Variants in PIKFYVE observed in about 807,000 individuals in gnomAD.
PIKFYVE encodes phosphoinositide kinase, FYVE-type zinc finger containing, also known as 1-phosphatidylinositol 3-phosphate 5-kinase.
A neutral mutation model predicts 257.9 loss-of-function variants in PIKFYVE; 122 were observed. The observed-to-expected ratio is 0.47, with a 90% CI of 0.41 to 0.55. The LOEUF (loss-of-function observed/expected upper bound fraction) is 0.55, where lower values mean the gene tolerates loss of function less well. Ranked by LOEUF, PIKFYVE falls within the 20% of genes least tolerant of loss-of-function variation. The probability of loss-of-function intolerance (pLI) is 0.00; values close to 1 mark genes in which losing one functional copy is unlikely to be tolerated. For missense variants in PIKFYVE, 2,160 were observed against 2,536.6 expected (o/e 0.85, Z 3.19); for synonymous variants, 892 against 868.9 (o/e 1.03, Z -0.47).
chr2:208,315,309 T>C lies in PIKFYVE; in HGVS notation c.1943T>C (p.Val648Ala), dbSNP rs752966773. 5.6e-6 allele frequency: 9 copies of C among 1,614,182 alleles called. No homozygotes were observed. The highest frequency in any genetic ancestry group is 6.8e-6 in the Non-Finnish European group (8 of 1,180,012). The change falls in exon 15 of 42, where the codon GTC becomes GCC. Residue 648 changes from valine to alanine, a missense_variant. Coordinates refer to ENST00000264380, the MANE Select transcript of PIKFYVE (RefSeq NM_015040.4). Reference sequence around the variant, plus strand: ...TTGGTCTGCCAGGTTGTTCAGACAGTCCGACCTGATGTCAAGAACCAGGAT... The same window carrying C: ...TTGGTCTGCCAGGTTGTTCAGACAGCCCGACCTGATGTCAAGAACCAGGAT... ...VSLVCQVVQT[V>A]RPDVKNQDDD... is the part of the protein sequence containing the mutation.
In PIKFYVE at chr2:208,330,650, C is replaced by G; in HGVS notation, c.3919C>G (p.Gln1307Glu). The change falls in exon 23 of 42, where the codon CAG (glutamine) becomes GAG (glutamate). Residue 1307 changes from glutamine (Q) to glutamate (E), a missense_variant. Around this residue, in one of 12 missense-constraint regions of PIKFYVE, gnomAD observed 55 missense variants for 103.0 expected, o/e 0.53. Transcript: ENST00000264380. Reference protein sequence around the residue: ...KELDSPVPGYQHTILTYSWCR... With the variant: ...KELDSPVPGYEHTILTYSWCR... ...GTTGGATTCTCCAGTACCTGGATATCAGCATACAATTCTTACATATTCCTG... is the reference window on the plus strand; with the variant it reads ...GTTGGATTCTCCAGTACCTGGATATGAGCATACAATTCTTACATATTCCTG... The G allele has an allele frequency of 1.2e-6, 2 of 1,614,034 alleles. No homozygotes were observed. The highest frequency in any genetic ancestry group is 1.7e-6 in the Non-Finnish European group (2 of 1,179,940).
At chr2:208,293,628 G>A (rs144162810) in intron 7 of PIKFYVE, among the ~76,000 whole-genome samples, 2 of 150,922 alleles carry the variant, frequency 1.3e-5, no homozygotes, top group Non-Finnish European at 2.9e-5. Flanking sequence ...CGTGGCTTCT[G>A]AGGAGAAGTC....
intron 40 of PIKFYVE, 99 bp downstream of exon 40, chr2:208,354,258 T>A: frequency 7.2e-7 from 1 of 1,384,172 alleles, no homozygotes; most frequent in South Asian, 1.3e-5. Flanking sequence ...TATTGAATAT[T>A]TTCACAAACT....
At chr2:208,270,788 C>A (rs1195482087) in intron 1 of PIKFYVE, among the ~76,000 whole-genome samples, 1 of 152,120 alleles carries the variant, frequency 6.6e-6, no homozygotes, top group Non-Finnish European at 1.5e-5. Flanking sequence ...AATCCCAGCA[C>A]TTTGGGAGGC....
At chr2:208,305,295 C>T in intron 12 of PIKFYVE, 1 of 1,294,528 alleles carries the variant, frequency 7.7e-7, no homozygotes, top group Non-Finnish European at 9.9e-7. Flanking sequence ...TAATGTGCAA[C>T]TTCCAAGGTG....
chr2:208,276,668 C>T, intron 3 of PIKFYVE, 44 bp from the exon 4 acceptor site: 3 of 1,364,350 alleles, frequency 2.2e-6, no homozygotes, highest in Non-Finnish European at 3.1e-6. Context: ...TATATAGATA[C>T]TAGGGACTGT....
chr2:208,288,811 C>A lies in PIKFYVE; in HGVS notation c.904C>A (p.Arg302=). 6.2e-7 allele frequency: 1 copy of A among 1,613,924 alleles called. No homozygotes were observed. Among genetic ancestry groups the A allele is most frequent in the Non-Finnish European group, 8.5e-7 (1 of 1,179,936 alleles). ...VQEDAGKSPA[R]NRSASITNLS... ...AGAGGATGCTGGGAAATCTCCTGCT[C>A]GAAATAGGTAAACTGACAAATGAAA... The change falls in exon 7 of 42, where the codon CGA becomes AGA. Residue 302 remains arginine, a synonymous_variant. Coordinates refer to ENST00000264380, the MANE Select transcript of PIKFYVE (RefSeq NM_015040.4).
At position 208,273,879 on chromosome 2, in the gene PIKFYVE, A is replaced by G. The variant is rs1440832108; in HGVS notation, c.322+146A>G. 5.1e-6 allele frequency: 7 copies of G among 1,372,946 alleles called. No homozygotes were observed. The East Asian group carries it at 1.5e-4, about 29-fold the overall frequency. The allele number at this position is 1,372,946 out of a possible 1,614,324, so 85.0% of individuals were successfully genotyped here. A position where few individuals can be genotyped will look rare whatever the true frequency, so the allele number is the denominator to read the frequency against. On this transcript the variant is annotated intron_variant, in intron 3 of 41. Transcript: ENST00000264380. ...TTTGAAATAGTCAGGTACTGTTTAGAGTAAATAAAACTCTTACCTCGGTAG... is the reference window on the plus strand; with the variant it reads ...TTTGAAATAGTCAGGTACTGTTTAGGGTAAATAAAACTCTTACCTCGGTAG...
At chr2:208,324,020 A>C (rs1696621988) in intron 17 of PIKFYVE, 122 bp from the exon 18 acceptor site, 2 of 950,122 alleles carry the variant, frequency 2.1e-6, no homozygotes, top group African/African-American at 3.3e-5. Flanking sequence ...GCCCTTTGTC[A>C]GATGAGTAGA....
At chr2:208,328,561 G>A (rs1368069301) in intron 21 of PIKFYVE, among the ~76,000 whole-genome samples, 2 of 152,150 alleles carry the variant, frequency 1.3e-5, no homozygotes, top group Admixed American at 6.5e-5. Flanking sequence ...AAATGCTTGG[G>A]ACCAGAAGTG....
At chr2:208,347,211 T>C (rs1397678232) in intron 34 of PIKFYVE, among the ~76,000 whole-genome samples, 3 of 152,226 alleles carry the variant, frequency 2.0e-5, no homozygotes, top group African/African-American at 4.8e-5. Context: ...ATTGACATTT[T>C]CTGTGAGTTT....
chr2:208,337,541 A>G (rs1236607476), intron 28 of PIKFYVE, among the ~76,000 whole-genome samples: 1 of 152,064 alleles, frequency 6.6e-6, no homozygotes, highest in Non-Finnish European at 1.5e-5. Context: ...CTATAGATCT[A>G]TCTAGATATA....
At chr2:208,285,397 G>C (rs979152826) in intron 5 of PIKFYVE, among the ~76,000 whole-genome samples, 1 of 151,958 alleles carries the variant, frequency 6.6e-6, no homozygotes, top group Non-Finnish European at 1.5e-5. Context: ...GTCTGGCCTG[G>C]TATGTTACAT....
At chr2:208,317,611 A>G (rs572099444) in intron 15 of PIKFYVE, among the ~76,000 whole-genome samples, 1 of 152,324 alleles carries the variant, frequency 6.6e-6, no homozygotes, top group East Asian at 1.9e-4. Flanking sequence ...TAACTGCCAC[A>G]TGGCACTAGT....
In PIKFYVE at chr2:208,339,388, T is replaced by G. The variant is rs748531761; in HGVS notation, c.4673-30T>G. The G allele has an allele frequency of 1.9e-6, 3 of 1,611,876 alleles. No homozygotes were observed. The South Asian group carries it at 3.3e-5, about 18-fold the overall frequency. ...TAGACATGGACTTAATGTATGTAAATGACTCATTTAAGATTGTGTTTTTCT... is the reference window on the plus strand; with the variant it reads ...TAGACATGGACTTAATGTATGTAAAGGACTCATTTAAGATTGTGTTTTTCT... On this transcript the variant is annotated intron_variant, in intron 29 of 41. Coordinates refer to ENST00000264380, the MANE Select transcript of PIKFYVE (RefSeq NM_015040.4).
chr2:208,347,020 G>A (rs1699295945), intron 34 of PIKFYVE, among the ~76,000 whole-genome samples: 1 of 152,188 alleles, frequency 6.6e-6, no homozygotes, highest in African/African-American at 2.4e-5. Flanking sequence ...AAAGTAGGGA[G>A]CAGCATTGTC....
intron 14 of PIKFYVE, 69 bp downstream of exon 14, chr2:208,314,492 C>T (rs1371918467): frequency 1.3e-6 from 2 of 1,482,434 alleles, no homozygotes; most frequent in African/African-American, 2.8e-5. Context: ...TAAGCATATG[C>T]ATCATTCCTC....
chr2:208,301,119 A>C lies in PIKFYVE; in HGVS notation c.1208+25A>C, dbSNP rs373535388. 6.8e-6 allele frequency: 11 copies of C among 1,611,902 alleles called. No individual in the cohort carries two copies. In the African/African-American group the frequency reaches 1.2e-4, roughly 18 times the overall value. On this transcript the variant is annotated intron_variant, in intron 9 of 41. Coordinates refer to ENST00000264380, the MANE Select transcript of PIKFYVE (RefSeq NM_015040.4). ...GGTATTCTGATCTTAGAAGGTTTCA[A>C]TATTATTTGTTTATTTTGAATGAGA...
At chr2:208,332,179 T>C (rs1021411106) in intron 23 of PIKFYVE, among the ~76,000 whole-genome samples, 1 of 152,178 alleles carries the variant, frequency 6.6e-6, no homozygotes, top group African/African-American at 2.4e-5. Flanking sequence ...GACAATGCAA[T>C]TTAATGCAAA....
Sources: allele counts gnomAD v4.1 joint callset (sites outside exome capture counted in the v4.1 genomes callset), GRCh38; gene constraint gnomAD v4.1.1; regional missense constraint gnomAD v4.1.1; transcripts MANE v1.5; gene names NCBI Gene and HGNC (gene_info 2026-07-23, HGNC 2026-07-21).